TRIB3: variants seen among roughly 807,000 people sequenced by gnomAD.
TRIB3 encodes tribbles pseudokinase 3.
Under a neutral mutation model 16.6 loss-of-function variants are expected in TRIB3, and 20 were observed. The observed-to-expected ratio is 1.20, with a 90% CI of 0.85 to 1.75. The LOEUF (loss-of-function observed/expected upper bound fraction) is 1.75. Among genes scored for constraint, TRIB3 ranks in the 40% most tolerant of loss-of-function variants. TRIB3 has a pLI of 0.00. For synonymous variants in TRIB3, 208 were observed against 217.0 expected (o/e 0.96, Z 0.36); for missense variants, 484 against 488.9 (o/e 0.99, Z 0.10).
rs907174558 is a variant in TRIB3 at position 391,288 on chromosome 20, T to C, written c.293T>C (p.Val98Ala). 4 of 1,611,320 alleles carry C rather than the reference T, an allele frequency of 2.5e-6. No homozygotes were observed. The highest frequency in any genetic ancestry group is 3.4e-6 in the Non-Finnish European group (4 of 1,179,850). The part of the protein sequence containing the change: ...CPTGTEYTCK[V>A]YPVQEALAVL... ...GCTAACACCATGCTCTGCCCACAGG[T>C]GTACCCCGTCCAGGAAGCCCTGGCC... The change falls in exon 3 of 4, where the codon GTG becomes GCG. Residue 98 changes from valine to alanine, a missense_variant and splice_region_variant. Coordinates refer to ENST00000217233, the MANE Select transcript of TRIB3 (RefSeq NM_021158.5).
At position 380,886 on chromosome 20, in the gene TRIB3, T is replaced by C. The variant is rs1345734731; in HGVS notation, c.-284T>C. ...GGGCATCAGACGGCGGCTGATTAGC[T>C]CCGGTTTGCATCACCCGGACCGGGG... On this transcript the variant is annotated 5_prime_UTR_variant, in exon 1 of 4. Transcript: ENST00000217233. 2 of 112,396 alleles carry C rather than the reference T, an allele frequency of 1.8e-5. No homozygotes were observed. The highest frequency in any genetic ancestry group is 1.1e-4 in the Admixed American group (1 of 8,792). The allele number at this position is 112,396 out of a possible 1,614,324, so 7.0% of individuals were successfully genotyped here.
intron 1 of TRIB3, among the ~76,000 whole-genome samples, chr20:382,126 T>TGTGC (rs1374416475): frequency 1.1e-3 from 96 of 83,958 alleles, no homozygotes; most frequent in Admixed American, 2.3e-3. Flanking sequence ...TGTGTGTGTG[T>TGTGC]GCGTGCGCGC....
intron 1 of TRIB3, among the ~76,000 whole-genome samples, chr20:384,671 T>C (rs964019381): frequency 1.2e-4 from 18 of 152,212 alleles, no homozygotes; most frequent in Admixed American, 5.9e-4. Context: ...CTTCAATAGA[T>C]GTTTATTTCT....
intron 1 of TRIB3, among the ~76,000 whole-genome samples, chr20:385,888 T>G (rs1430354359): frequency 5.3e-5 from 8 of 149,602 alleles, no homozygotes; most frequent in Non-Finnish European, 3.0e-5. Context: ...GAGAGAGTCT[T>G]TACTCTGTCA....
rs191478171 is a variant in TRIB3, at chr20:395,846, C to T, written c.585-352C>T. Among the ~76,000 whole-genome samples the T allele has an allele frequency of 4.5e-4, 69 of 152,276 alleles. 1 individual carries two copies. The East Asian group carries it at 7.5e-3, about 17-fold the overall frequency. On this transcript the variant is annotated intron_variant, in intron 3 of 3. Transcript: ENST00000217233. ...CGCTTGTGCTGAGATGTCAGGCACA[C>T]TTCCTGTTTCTCTCATCTTATTACC... is the stretch of plus-strand genomic sequence containing the variant.
At chr20:394,329 T>C (rs1472225198) in intron 3 of TRIB3, among the ~76,000 whole-genome samples, 1 of 152,262 alleles carries the variant, frequency 6.6e-6, no homozygotes, top group Non-Finnish European at 1.5e-5. Flanking sequence ...AGGCTGATTT[T>C]CTGTTAATAT....
At chr20:388,393 G>A (rs1407184971) in intron 2 of TRIB3, 92 bp downstream of exon 2, 3 of 1,415,278 alleles carry the variant, frequency 2.1e-6, no homozygotes, top group Non-Finnish European at 2.8e-6. Flanking sequence ...GGGTCCTTAT[G>A]TTCATTCATT....
At chr20:391,948 G>A (rs903866582) in intron 3 of TRIB3, among the ~76,000 whole-genome samples, 1 of 151,904 alleles carries the variant, frequency 6.6e-6, no homozygotes, top group Non-Finnish European at 1.5e-5. Context: ...CTTGAACCTG[G>A]GAGGCGGAAG....
Position 391,510 on chromosome 20 carries a change from A to G in TRIB3, c.515A>G (p.His172Arg), listed in dbSNP as rs765053746. Reference sequence around the variant, plus strand: ...CGCCAGATGGCCACCGCCCTGGCGCACTGTCACCAGCACGGTCTGGTCCTG... The same window carrying G: ...CGCCAGATGGCCACCGCCCTGGCGCGCTGTCACCAGCACGGTCTGGTCCTG... ...LFRQMATALA[H>R]CHQHGLVLRD... Residue 172 changes from histidine (H) to arginine (R), a missense_variant, in exon 3 of 4, where the codon CAC becomes CGC. By Grantham distance (29) the His-to-Arg change is conservative. Transcript: ENST00000217233. The G allele has an allele frequency of 1.2e-6, 2 of 1,613,758 alleles. No individual in the cohort carries two copies. Among genetic ancestry groups the G allele is most frequent in the South Asian group, 1.1e-5 (1 of 91,076 alleles).
At position 396,322 on chromosome 20, in the gene TRIB3, T is replaced by C. The variant is rs146612978; in HGVS notation, c.709T>C (p.Tyr237His). 6.8e-6 allele frequency: 11 copies of C among 1,613,694 alleles called. No homozygotes were observed. The African/African-American group carries it at 1.3e-4, about 20-fold the overall frequency. Reference sequence around the variant, plus strand: ...TGAGATACTCAGCTCACGGGCCTCATACTCGGGCAAGGCAGCCGATGTCTG... The same window carrying C: ...TGAGATACTCAGCTCACGGGCCTCACACTCGGGCAAGGCAGCCGATGTCTG... ...GPEILSSRASYSGKAADVWSL... is the reference protein window; with the variant it reads ...GPEILSSRASHSGKAADVWSL... The change falls in exon 4 of 4, where the codon TAC (tyrosine) becomes CAC (histidine). Residue 237 changes from tyrosine (Y) to histidine (H), a missense_variant. Coordinates refer to ENST00000217233, the MANE Select transcript of TRIB3 (RefSeq NM_021158.5).
At chr20:391,683 G>A (rs1012695036) in intron 3 of TRIB3, 104 bp downstream of exon 3, 22 of 1,419,684 alleles carry the variant, frequency 1.5e-5, no homozygotes, top group African/African-American at 2.8e-5. Context: ...GGCAAGAAGT[G>A]GGAGAAACTG....
At chr20:381,219 G>GAGGGGGCGGCCGGGGA (rs1409027945) in intron 1 of TRIB3, 50 bp downstream of exon 1, 6 of 151,980 alleles carry the variant, frequency 3.9e-5, no homozygotes, top group Non-Finnish European at 8.8e-5. Flanking sequence ...CGGGGGGCGG[G>GAGGGGGCGGCCGGGGA]AGGGGGCGGC....
In TRIB3 at chr20:391,001, C is replaced by CAAAAA. The variant is rs11374668; in HGVS notation, c.292-267_292-263dup. ...TGGGTGACAGAGCGAGACTCCGTCT[C>CAAAAA]AAAAAAAAAAAAAAAAAAAAAAAGC... On this transcript the variant is annotated intron_variant, in intron 2 of 3. Coordinates refer to ENST00000217233, the MANE Select transcript of TRIB3 (RefSeq NM_021158.5). 1.6e-3 allele frequency among the ~76,000 whole-genome samples: 137 copies of CAAAAA among 85,728 alleles called. 2 individuals are homozygous for CAAAAA. Among genetic ancestry groups the CAAAAA allele is most frequent in the South Asian group, 3.0e-3 (8 of 2,670 alleles). 56.2% of individuals were successfully genotyped at this position (85,728 alleles called of 152,430 possible).
Position 390,154 on chromosome 20 carries a change from T to C in TRIB3, c.292-1133T>C, listed in dbSNP as rs1025159631. On this transcript the variant is annotated intron_variant, in intron 2 of 3. Transcript: ENST00000217233. ...CTATCCTGGCCAACATGGTGAAACC[T>C]TGTTTCTATTAAAAATACAAAAAAT... 5.9e-5 allele frequency among the ~76,000 whole-genome samples: 9 copies of C among 151,952 alleles called. 1 individual carries two copies. Among genetic ancestry groups the C allele is most frequent in the African/African-American group, 1.9e-4 (8 of 41,390 alleles).
At chr20:381,972 A>G (rs2014667288) in intron 1 of TRIB3, among the ~76,000 whole-genome samples, 2 of 151,984 alleles carry the variant, frequency 1.3e-5, no homozygotes, top group African/African-American at 4.8e-5. Context: ...TTTCCGCTGA[A>G]ACTTCTGACT....
rs2014872817 is a variant in TRIB3 at position 388,156 on chromosome 20, C to A, written c.146C>A (p.Pro49His). Reference sequence around the variant, plus strand: ...CCCAGACTGCCCCCCTGCCTGTTGCCCCTGAGCCCACCTACTGCTCCAGAT... The same window carrying A: ...CCCAGACTGCCCCCCTGCCTGTTGCACCTGAGCCCACCTACTGCTCCAGAT... Reference protein sequence around the residue: ...PQPRLPPCLLPLSPPTAPDRA... With the variant: ...PQPRLPPCLLHLSPPTAPDRA... The change falls in exon 2 of 4, where the codon CCC becomes CAC. Residue 49 changes from proline to histidine, a missense_variant. Pro to His is a moderately conservative substitution (Grantham distance 77). Transcript: ENST00000217233. 1 of 1,613,966 alleles carries A rather than the reference C, an allele frequency of 6.2e-7. No homozygotes were observed. Among genetic ancestry groups the A allele is most frequent in the African/African-American group, 1.3e-5 (1 of 74,940 alleles).
chr20:395,827 T>C (rs1186442364), intron 3 of TRIB3, among the ~76,000 whole-genome samples: 1 of 152,130 alleles, frequency 6.6e-6, no homozygotes, highest in Non-Finnish European at 1.5e-5. Context: ...GTAGCGCTTG[T>C]GCTGAGATGT....
intron 1 of TRIB3, chr20:382,477 G>A: frequency 1.3e-6 from 2 of 1,506,032 alleles, no homozygotes; most frequent in Non-Finnish European, 8.9e-7. Context: ...GCGTGACTCA[G>A]AACAGCCTTG....
At position 386,665 on chromosome 20, in the gene TRIB3, C is replaced by T. The variant is rs565603887; in HGVS notation, c.1-1346C>T. Among the ~76,000 whole-genome samples, 106 of 151,920 alleles carry T rather than the reference C, an allele frequency of 7.0e-4. 1 individual carries two copies. Among genetic ancestry groups the T allele is most frequent in the Middle Eastern group, 3.4e-3 (1 of 294 alleles). On this transcript the variant is annotated intron_variant, in intron 1 of 3. Transcript: ENST00000217233. ...TCAGCTCACTGCAACCTCCACCTCC[C>T]GGGTTCAAGTGATTCTCCTGTCTCA...
Sources: allele counts gnomAD v4.1 joint callset (sites outside exome capture counted in the v4.1 genomes callset), GRCh38; gene constraint gnomAD v4.1.1; transcripts MANE v1.5; gene names NCBI Gene and HGNC (gene_info 2026-07-23, HGNC 2026-07-21).